KAT6B: variants seen among roughly 807,000 people sequenced by gnomAD.
KAT6B encodes lysine acetyltransferase 6B, also known as histone acetyltransferase KAT6B.
A neutral mutation model predicts 187.5 loss-of-function variants in KAT6B; 10 were observed. That is an observed-to-expected ratio of 0.05 (90% CI 0.03 to 0.09). The LOEUF is 0.09. Ranked by LOEUF, KAT6B falls within the 10% of genes least tolerant of loss-of-function variation. The probability of loss-of-function intolerance (pLI) is 1.00; values close to 1 mark genes in which losing one functional copy is unlikely to be tolerated. For synonymous variants in KAT6B, 861 were observed against 926.8 expected (o/e 0.93, Z 1.29); for missense variants, 1,952 against 2,558.9 (o/e 0.76, Z 5.12).
chr10:74,968,910 A>T (rs1366882973), intron 4 of KAT6B, among the ~76,000 whole-genome samples: 2 of 152,130 alleles, frequency 1.3e-5, no homozygotes, highest in Non-Finnish European at 2.9e-5. Context: ...TGAAGTGAGC[A>T]GTAAGACCTG....
intron 12 of KAT6B, among the ~76,000 whole-genome samples, chr10:74,986,121 T>C (rs1306715614): frequency 1.3e-5 from 2 of 152,082 alleles, no homozygotes; most frequent in African/African-American, 4.8e-5. Context: ...GGGAAAACAA[T>C]CGACATATTG....
chr10:74,916,115 T>C (rs1007861200), intron 3 of KAT6B, among the ~76,000 whole-genome samples: 4 of 152,146 alleles, frequency 2.6e-5, no homozygotes, highest in Admixed American at 2.6e-4. Flanking sequence ...TGAGCTGAGA[T>C]TGTGACACTG....
intron 3 of KAT6B, among the ~76,000 whole-genome samples, chr10:74,939,758 A>C (rs1849531636): frequency 6.6e-6 from 1 of 152,216 alleles, no homozygotes; most frequent in African/African-American, 2.4e-5. Flanking sequence ...TTAAACAACT[A>C]AATTGGCAAA....
chr10:74,935,512 A>G (rs1849205116), intron 3 of KAT6B, among the ~76,000 whole-genome samples: 1 of 152,168 alleles, frequency 6.6e-6, no homozygotes, highest in South Asian at 2.1e-4. Context: ...GTTGTTGCTC[A>G]GGCTGGTCTT....
At chr10:74,873,885 C>CTAAA (rs1180094170) in intron 3 of KAT6B, among the ~76,000 whole-genome samples, 9 of 152,092 alleles carry the variant, frequency 5.9e-5, no homozygotes, top group African/African-American at 1.7e-4. Flanking sequence ...TGAAATGACT[C>CTAAA]ATTTAGAGTT....
chr10:74,852,547 A>C (rs1842540886), intron 3 of KAT6B, among the ~76,000 whole-genome samples: 1 of 152,224 alleles, frequency 6.6e-6, no homozygotes, highest in African/African-American at 2.4e-5. Flanking sequence ...TTGAGAGAGC[A>C]CATGAATTGT....
At chr10:74,971,155 C>G (rs1297459815) in intron 6 of KAT6B, among the ~76,000 whole-genome samples, 2 of 152,136 alleles carry the variant, frequency 1.3e-5, no homozygotes, top group Admixed American at 6.6e-5. Flanking sequence ...TTTTCCAACC[C>G]TCTATATAAA....
At chr10:74,917,140 A>G (rs764263395) in intron 3 of KAT6B, among the ~76,000 whole-genome samples, 8 of 152,204 alleles carry the variant, frequency 5.3e-5, no homozygotes, top group African/African-American at 9.7e-5. Context: ...TGTTTCTACA[A>G]TTTGACACAA....
At chr10:75,018,183 T>C (rs1845121589) in intron 13 of KAT6B, among the ~76,000 whole-genome samples, 2 of 152,226 alleles carry the variant, frequency 1.3e-5, no homozygotes, top group Non-Finnish European at 2.9e-5. Flanking sequence ...CTGGCAGGTG[T>C]TGGCCACTCC....
At chr10:74,849,304 T>TTC (rs1842317189) in intron 3 of KAT6B, among the ~76,000 whole-genome samples, 1 of 151,486 alleles carries the variant, frequency 6.6e-6, no homozygotes, top group African/African-American at 2.4e-5. Context: ...AATGACTTTT[T>TTC]TTTTTTTGAG....
intron 3 of KAT6B, among the ~76,000 whole-genome samples, chr10:74,879,756 C>G (rs909914764): frequency 2.0e-5 from 3 of 151,540 alleles, no homozygotes; most frequent in African/African-American, 7.3e-5. Context: ...CTGGTGCTGA[C>G]TAGTCTCCCC....
chr10:74,937,182 T>G (rs915641193), intron 3 of KAT6B, among the ~76,000 whole-genome samples: 18 of 152,226 alleles, frequency 1.2e-4, no homozygotes, highest in African/African-American at 4.3e-4. Context: ...GCTTTTTGAC[T>G]GAGAATTGTA....
At chr10:74,858,949 C>A (rs569368304) in intron 3 of KAT6B, among the ~76,000 whole-genome samples, 9 of 152,114 alleles carry the variant, frequency 5.9e-5, no homozygotes, top group African/African-American at 2.2e-4. Flanking sequence ...AGCAAGACTC[C>A]ATCTCTGGAA....
At chr10:74,967,307 G>A (rs562477153) in intron 4 of KAT6B, among the ~76,000 whole-genome samples, 2 of 149,538 alleles carry the variant, frequency 1.3e-5, no homozygotes, top group Admixed American at 6.6e-5. Context: ...TCCAGCCTGG[G>A]CAACAGAGCG....
At chr10:74,888,139 C>T (rs1427146671) in intron 3 of KAT6B, among the ~76,000 whole-genome samples, 1 of 152,202 alleles carries the variant, frequency 6.6e-6, no homozygotes, top group Non-Finnish European at 1.5e-5. Context: ...CATATCCCTT[C>T]AAGCACTGCC....
chr10:74,886,936 A>G (rs1564543375), intron 3 of KAT6B, among the ~76,000 whole-genome samples: 1 of 152,120 alleles, frequency 6.6e-6, no homozygotes, highest in Non-Finnish European at 1.5e-5. Flanking sequence ...CAGGCTGGGC[A>G]GTAGGTTATG....
intron 3 of KAT6B, among the ~76,000 whole-genome samples, chr10:74,845,540 A>C (rs1345159693): frequency 7.7e-6 from 1 of 130,372 alleles, no homozygotes; most frequent in South Asian, 2.3e-4. Flanking sequence ...AAAAAAAAAC[A>C]AAAAAAAAAA....
At chr10:75,025,448 C>T in intron 17 of KAT6B, 199 bp downstream of exon 17, 1 of 569,520 alleles carries the variant, frequency 1.8e-6, no homozygotes, top group South Asian at 2.0e-5. Flanking sequence ...TGTTAAACAA[C>T]TTCTAAGGCC....
intron 13 of KAT6B, among the ~76,000 whole-genome samples, chr10:75,012,775 C>G (rs1408335600): frequency 2.6e-5 from 4 of 152,212 alleles, no homozygotes; most frequent in Non-Finnish European, 5.9e-5. Context: ...AACCATGGAA[C>G]CATCTGGTAA....
Sources: gnomAD v4.1 joint callset for allele counts (sites outside exome capture counted in the v4.1 genomes callset) on GRCh38, gnomAD v4.1.1 for gene constraint, MANE v1.5 for transcripts, NCBI Gene and HGNC (gene_info 2026-07-23, HGNC 2026-07-21) for gene names.